TNN: variants seen among roughly 807,000 people sequenced by gnomAD.
TNN encodes tenascin N.
TNN carries 122 observed loss-of-function variants against 134.4 expected under a neutral mutation model. The ratio of observed to expected loss-of-function variants is 0.91; its 90% CI spans 0.78 to 1.06. The LOEUF is 1.06. Among genes scored for constraint, TNN ranks in the 50% least tolerant of loss-of-function variants. TNN has a pLI of 0.00. For synonymous variants in TNN, 710 were observed against 670.3 expected (o/e 1.06, Z -0.91); for missense variants, 1,739 against 1,699.4 (o/e 1.02, Z -0.41).
chr1:175,123,478 C>T lies in TNN; in HGVS notation c.2729C>T (p.Ala910Val). The T allele has an allele frequency of 6.2e-7, 1 of 1,614,192 alleles. No individual in the cohort carries two copies. Reference protein sequence around the residue: ...MATVSWDPVQATIDKYMVRYT... With the variant: ...MATVSWDPVQVTIDKYMVRYT... The stretch of plus-strand genomic sequence containing the variant: ...ACTGTCTCCTGGGACCCGGTTCAGG[C>T]CACCATTGACAAGTACATGGTGCGC... The change falls in exon 12 of 19, where the codon GCC becomes GTC. Residue 910 changes from alanine to valine, a missense_variant. Physicochemically the swap from Ala to Val is moderately conservative, Grantham distance 64. Coordinates refer to ENST00000239462, the MANE Select transcript of TNN (RefSeq NM_022093.2).
At position 175,144,418 on chromosome 1, in the gene TNN, G is replaced by C. The variant is rs1343994770; in HGVS notation, c.3627G>C (p.Lys1209Asn). The C allele has an allele frequency of 6.2e-7, 1 of 1,614,140 alleles. No homozygotes were observed. The change falls in exon 18 of 19, where the codon AAG becomes AAC. Residue 1209 changes from lysine to asparagine, a missense_variant. Coordinates refer to ENST00000239462, the MANE Select transcript of TNN (RefSeq NM_022093.2). ...CTCTTACTTACCACAATGGATGGAA[G>C]TTTACAACTTTTGACAGAGACAATG... Reference protein sequence around the residue: ...GDALTYHNGWKFTTFDRDNDI... With the variant: ...GDALTYHNGWNFTTFDRDNDI...
intron 9 of TNN, among the ~76,000 whole-genome samples, chr1:175,105,270 T>G (rs1674819741): frequency 6.9e-6 from 1 of 145,894 alleles, no homozygotes; most frequent in African/African-American, 2.5e-5. Flanking sequence ...TTGATCTGCT[T>G]TAAATCAGAG....
In TNN at chr1:175,079,228, G is replaced by C. The variant is rs530653857; in HGVS notation, c.410-105G>C. The C allele has an allele frequency of 2.4e-4, 293 of 1,223,276 alleles. 3 individuals carry two copies. In the South Asian group the frequency reaches 4.4e-3, roughly 18 times the overall value. The allele number at this position is 1,223,276 out of a possible 1,614,324, so 75.8% of individuals were successfully genotyped here. On this transcript the variant is annotated intron_variant, in intron 2 of 18. Transcript: ENST00000239462. ...GACCCAGAAATCACCAGACCCTTAA[G>C]AGTGGGGCTAATGATTTCTGGGTCT...
intron 6 of TNN, among the ~76,000 whole-genome samples, chr1:175,089,112 T>G (rs1042989826): frequency 1.3e-5 from 2 of 152,202 alleles, no homozygotes; most frequent in African/African-American, 4.8e-5. Flanking sequence ...AAAAAGACAC[T>G]GTAATTTATA....
chr1:175,119,182 G>A (rs1374924421), intron 11 of TNN, among the ~76,000 whole-genome samples: 1 of 152,262 alleles, frequency 6.6e-6, no homozygotes, highest in Non-Finnish European at 1.5e-5. Flanking sequence ...CATGGGCAGA[G>A]CAGCCCTGAG....
intron 6 of TNN, among the ~76,000 whole-genome samples, chr1:175,093,297 A>G (rs559186767): frequency 3.3e-5 from 5 of 152,358 alleles, no homozygotes; most frequent in African/African-American, 1.2e-4. Context: ...TTCTAAGGTC[A>G]TGGGCTCAGG....
At chr1:175,094,875 G>A (rs1674536077) in intron 7 of TNN, among the ~76,000 whole-genome samples, 3 of 152,168 alleles carry the variant, frequency 2.0e-5, no homozygotes, top group Non-Finnish European at 4.4e-5. Flanking sequence ...GCCCGCATGA[G>A]GTTCCAAAAC....
intron 6 of TNN, 104 bp from the exon 7 acceptor site, chr1:175,093,886 A>T (rs1269172074): frequency 3.2e-6 from 4 of 1,237,416 alleles, no homozygotes; most frequent in Non-Finnish European, 4.5e-6. Context: ...TATTGCATAA[A>T]CTATTGAACT....
chr1:175,146,857 C>T (rs1199923415), intron 18 of TNN, 74 bp from the exon 19 acceptor site: 1 of 1,365,304 alleles, frequency 7.3e-7, no homozygotes, highest in Non-Finnish European at 9.8e-7. Flanking sequence ...TAATTAATTC[C>T]TTTGTACCAT....
At position 175,138,871 on chromosome 1, in the gene TNN, G is replaced by A. The variant is rs545239881; in HGVS notation, c.3595+1883G>A. Among the ~76,000 whole-genome samples, 5 of 152,310 alleles carry A rather than the reference G, an allele frequency of 3.3e-5. No individual in the cohort carries two copies. The East Asian group carries it at 9.6e-4, about 29-fold the overall frequency. The stretch of plus-strand genomic sequence containing the variant: ...GCTATAGACCAAGGTATATGGTGTA[G>A]CCTATTGCTACTAGGCTACAAACCT... On this transcript the variant is annotated intron_variant, in intron 17 of 18. Coordinates refer to ENST00000239462, the MANE Select transcript of TNN (RefSeq NM_022093.2).
chr1:175,144,437 G>C lies in TNN; in HGVS notation c.3646G>C (p.Asp1216His). The change falls in exon 18 of 19, where the codon GAC becomes CAC. Residue 1216 changes from aspartate to histidine, a missense_variant. By Grantham distance (81) the Asp-to-His change is moderately conservative. Transcript: ENST00000239462. ...ATGGAAGTTTACAACTTTTGACAGA[G>C]ACAATGATATCGCACTCAGCAACTG... ...NGWKFTTFDR[D>H]NDIALSNCAL... is the part of the protein sequence containing the mutation. 6.2e-7 allele frequency: 1 copy of C among 1,614,200 alleles called. No individual in the cohort carries two copies. The highest frequency in any genetic ancestry group is 8.5e-7 in the Non-Finnish European group (1 of 1,180,028).
At chr1:175,103,390 GT>G (rs1158750774) in intron 9 of TNN, among the ~76,000 whole-genome samples, 1 of 146,204 alleles carries the variant, frequency 6.8e-6, no homozygotes, top group African/African-American at 2.5e-5. Flanking sequence ...GGCCTCTGCA[GT>G]TTTGGAGAGT....
chr1:175,140,514 T>C (rs549885649), intron 17 of TNN, among the ~76,000 whole-genome samples: 1 of 152,316 alleles, frequency 6.6e-6, no homozygotes, highest in South Asian at 2.1e-4. Flanking sequence ...CTGAAGCCTG[T>C]GTTAAAGTGA....
At chr1:175,097,155 T>A (rs1476662144) in intron 7 of TNN, among the ~76,000 whole-genome samples, 1 of 152,192 alleles carries the variant, frequency 6.6e-6, no homozygotes, top group East Asian at 1.9e-4. Flanking sequence ...ATTATTTTTA[T>A]CCCAAAGCGA....
chr1:175,094,084 T>C lies in TNN; in HGVS notation c.1419T>C (p.Tyr473=). 1.2e-6 allele frequency: 2 copies of C among 1,614,230 alleles called. No individual in the cohort carries two copies. The highest frequency in any genetic ancestry group is 8.5e-7 in the Non-Finnish European group (1 of 1,180,038). ...CAGTGCAGGCTGTCATAGACAAGTA[T>C]GTAGTGCGCTACACTTCTGCTGATG... is the stretch of plus-strand genomic sequence containing the variant. ...WDPVQAVIDK[Y]VVRYTSADGD... is the part of the protein sequence containing the mutation. Residue 473 remains tyrosine (Y), a synonymous_variant, in exon 7 of 19, where the codon TAT becomes TAC. Transcript: ENST00000239462.
intron 15 of TNN, among the ~76,000 whole-genome samples, chr1:175,131,007 C>T (rs1675662482): frequency 6.6e-6 from 1 of 152,126 alleles, no homozygotes; most frequent in African/African-American, 2.4e-5. Flanking sequence ...TGAAAACTTC[C>T]CCACAAAACA....
At chr1:175,146,601 C>T (rs1260549090) in intron 18 of TNN, among the ~76,000 whole-genome samples, 1 of 152,106 alleles carries the variant, frequency 6.6e-6, no homozygotes, top group East Asian at 1.9e-4. Flanking sequence ...CATTGCCGGC[C>T]CGGTTGACCC....
In TNN at chr1:175,118,604, G is replaced by T; in HGVS notation, c.2430G>T (p.Glu810Asp). The T allele has an allele frequency of 6.2e-7, 1 of 1,614,134 alleles. No homozygotes were observed. Among genetic ancestry groups the T allele is most frequent in the Non-Finnish European group, 8.5e-7 (1 of 1,180,016 alleles). ...ACCTGGTCACTGACTGGGTGACAGAGAATACAGCCACTGTCTCCTGGGACC... is the reference window on the plus strand; with the variant it reads ...ACCTGGTCACTGACTGGGTGACAGATAATACAGCCACTGTCTCCTGGGACC... ...PQNLVTDWVT[E>D]NTATVSWDPV... The change falls in exon 11 of 19, where the codon GAG becomes GAT. Residue 810 changes from glutamate (E) to aspartate (D), a missense_variant. By Grantham distance (45) the Glu-to-Asp change is conservative. Coordinates refer to ENST00000239462, the MANE Select transcript of TNN (RefSeq NM_022093.2).
chr1:175,110,499 G>A (rs771192974), intron 9 of TNN, among the ~76,000 whole-genome samples: 1 of 152,176 alleles, frequency 6.6e-6, no homozygotes, highest in Non-Finnish European at 1.5e-5. Flanking sequence ...CATAGTTTCA[G>A]GTCTTACATT....
Sources: gnomAD v4.1 joint callset for allele counts (sites outside exome capture counted in the v4.1 genomes callset) on GRCh38, gnomAD v4.1.1 for gene constraint, MANE v1.5 for transcripts, NCBI Gene and HGNC (gene_info 2026-07-23, HGNC 2026-07-21) for gene names.